STIM1: variants seen among roughly 807,000 people sequenced by gnomAD.
STIM1 encodes stromal interaction molecule 1.
In STIM1, 25 loss-of-function variants were observed where a neutral mutation model predicts 74.7. The ratio of observed to expected loss-of-function variants is 0.33; its 90% CI spans 0.24 to 0.47. The LOEUF (loss-of-function observed/expected upper bound fraction) is 0.47, where lower values mean the gene tolerates loss of function less well. Ranked by LOEUF, STIM1 falls within the 20% of genes least tolerant of loss-of-function variation. STIM1 has a pLI of 1.00. For missense variants in STIM1, 728 were observed against 920.8 expected (o/e 0.79, Z 2.71); for synonymous variants, 328 against 348.8 (o/e 0.94, Z 0.66).
At chr11:3,987,574 C>T (rs910530282) in intron 2 of STIM1, among the ~76,000 whole-genome samples, 4 of 152,194 alleles carry the variant, frequency 2.6e-5, no homozygotes, top group Admixed American at 6.5e-5. Context: ...GACCAACTCT[C>T]TTCTATATAT....
intron 2 of STIM1, among the ~76,000 whole-genome samples, chr11:4,020,060 C>T (rs771795501): frequency 3.3e-5 from 5 of 152,108 alleles, no homozygotes; most frequent in African/African-American, 1.2e-4. Flanking sequence ...TTTTTTGTGC[C>T]TGGCTTATTT....
At chr11:3,974,862 C>T (rs1486582099) in intron 2 of STIM1, among the ~76,000 whole-genome samples, 1 of 152,040 alleles carries the variant, frequency 6.6e-6, no homozygotes, top group African/African-American at 2.4e-5. Flanking sequence ...TTAGGTTGTC[C>T]TTAACAGTAT....
chr11:3,880,516 T>C (rs983262792), intron 1 of STIM1, among the ~76,000 whole-genome samples: 5 of 152,226 alleles, frequency 3.3e-5, no homozygotes, highest in African/African-American at 1.2e-4. Context: ...TTCATGTTTT[T>C]CTGAAGAACT....
intron 1 of STIM1, among the ~76,000 whole-genome samples, chr11:3,915,624 C>A (rs995651059): frequency 2.0e-5 from 3 of 152,098 alleles, no homozygotes; most frequent in Admixed American, 2.0e-4. Context: ...GTCTCGATCT[C>A]CTGACCTTGT....
At chr11:3,899,124 G>A (rs2092274753) in intron 1 of STIM1, among the ~76,000 whole-genome samples, 3 of 152,102 alleles carry the variant, frequency 2.0e-5, no homozygotes, top group South Asian at 2.1e-4. Flanking sequence ...CCATTTTCAC[G>A]ATATTGATTC....
rs1181720682 is a variant in STIM1 at position 3,994,429 on chromosome 11, TTTCTTTGAATA to T, written c.270+26750_270+26760del. 2.6e-5 allele frequency among the ~76,000 whole-genome samples: 4 copies of T among 152,168 alleles called. No individual in the cohort carries two copies. The East Asian group carries it at 7.7e-4, about 29-fold the overall frequency. On this transcript the variant is annotated intron_variant, in intron 2 of 12. Coordinates refer to ENST00000526596, the MANE Select transcript of STIM1 (RefSeq NM_001382567.1). The stretch of plus-strand genomic sequence containing the variant: ...AACTTGGGAGGTTTTTCAGCCATTA[TTTCTTTGAATA>T]TTTTTCCTTCTCCTTTTTCTTTCTT...
intron 2 of STIM1, among the ~76,000 whole-genome samples, chr11:3,970,561 A>G (rs1311833184): frequency 6.7e-6 from 1 of 148,910 alleles, no homozygotes; most frequent in Non-Finnish European, 1.5e-5. Flanking sequence ...TTTTTCATTC[A>G]TAAAACTTTT....
intron 2 of STIM1, among the ~76,000 whole-genome samples, chr11:3,988,056 A>G (rs774281916): frequency 6.6e-6 from 1 of 152,172 alleles, no homozygotes; most frequent in Non-Finnish European, 1.5e-5. Context: ...TGCCAAGTCT[A>G]TTGAAGTGGG....
intron 2 of STIM1, among the ~76,000 whole-genome samples, chr11:3,988,574 C>T (rs926349666): frequency 6.6e-6 from 1 of 151,918 alleles, no homozygotes; most frequent in Non-Finnish European, 1.5e-5. Flanking sequence ...TACATATGTC[C>T]CACCAATTCA....
rs200576507 is a variant in STIM1, at chr11:3,895,886, T to TTTTC, written c.139+39496_139+39499dup. Among the ~76,000 whole-genome samples the TTTTC allele has an allele frequency of 9.7e-3, 1,373 of 140,868 alleles. 75 individuals are homozygous for TTTTC. The highest frequency in any genetic ancestry group is 0.033 in the African/African-American group (1,179 of 35,258). 92.4% of individuals were successfully genotyped at this position (140,868 alleles called of 152,430 possible). A position where few individuals can be genotyped will look rare whatever the true frequency, so the allele number is the denominator to read the frequency against. ...CTCTCTCTTTCTTTTCTTTTCTTTC[T>TTTTC]TTTCTTTCTTTCTTTCTTTCTTCTT... On this transcript the variant is annotated intron_variant, in intron 1 of 12. Coordinates refer to ENST00000526596, the MANE Select transcript of STIM1 (RefSeq NM_001382567.1).
upstream of STIM1, chr11:3,855,589 G>C (rs1319187555): frequency 2.4e-5 from 2 of 83,012 alleles, no homozygotes; most frequent in African/African-American, 4.8e-5. Context: ...GCTGGGGACC[G>C]GGCGGCGCGG....
At chr11:3,868,560 T>G (rs1268127409) in intron 1 of STIM1, among the ~76,000 whole-genome samples, 1 of 152,218 alleles carries the variant, frequency 6.6e-6, no homozygotes, top group Non-Finnish European at 1.5e-5. Flanking sequence ...GATAGGCATT[T>G]TGATTAAAAA....
intron 3 of STIM1, among the ~76,000 whole-genome samples, chr11:4,031,339 A>G (rs1346100848): frequency 6.6e-6 from 1 of 152,212 alleles, no homozygotes; most frequent in Non-Finnish European, 1.5e-5. Flanking sequence ...GCTATTACAA[A>G]TAAAGCTGCT....
At chr11:4,011,261 A>G (rs1207379413) in intron 2 of STIM1, among the ~76,000 whole-genome samples, 1 of 152,278 alleles carries the variant, frequency 6.6e-6, no homozygotes, top group East Asian at 1.9e-4. Flanking sequence ...GTCAAATGGT[A>G]TTTCTAGTTC....
chr11:3,980,109 T>C (rs1218197288), intron 2 of STIM1, among the ~76,000 whole-genome samples: 1 of 152,244 alleles, frequency 6.6e-6, no homozygotes, highest in Non-Finnish European at 1.5e-5. Flanking sequence ...TCTATAACTT[T>C]GTGTTCCTGC....
intron 2 of STIM1, among the ~76,000 whole-genome samples, chr11:3,977,114 T>C (rs2093455595): frequency 6.6e-6 from 1 of 152,102 alleles, no homozygotes; most frequent in Non-Finnish European, 1.5e-5. Context: ...TGTATTTTAA[T>C]GTTTGTCTGA....
chr11:4,037,638 C>T (rs1056730138), intron 3 of STIM1, among the ~76,000 whole-genome samples: 1 of 152,092 alleles, frequency 6.6e-6, no homozygotes, highest in Non-Finnish European at 1.5e-5. Context: ...CATCCCTCTA[C>T]ATTTAATCTA....
Position 3,937,319 on chromosome 11 carries a change from A to ATAATAG in STIM1, c.140-30233_140-30232insTAATAG, listed in dbSNP as rs55981710. ...AATAATAATAATAATAATAATAATA[A>ATAATAG]AATATCTGGAATGAGTGTGAAATTA... On this transcript the variant is annotated intron_variant, in intron 1 of 12. Transcript: ENST00000526596. Among the ~76,000 whole-genome samples the ATAATAG allele has an allele frequency of 1.3e-3, 201 of 149,030 alleles. 2 individuals are homozygous for ATAATAG. The highest frequency in any genetic ancestry group is 2.0e-3 in the Non-Finnish European group (136 of 67,414).
intron 1 of STIM1, among the ~76,000 whole-genome samples, chr11:3,904,704 G>C (rs1482161646): frequency 6.6e-6 from 1 of 152,128 alleles, no homozygotes; most frequent in African/African-American, 2.4e-5. Flanking sequence ...TTGTGTGACG[G>C]AAGGATGAAG....
Sources: gnomAD v4.1 joint callset for allele counts (sites outside exome capture counted in the v4.1 genomes callset) on GRCh38, gnomAD v4.1.1 for gene constraint, MANE v1.5 for transcripts, NCBI Gene and HGNC (gene_info 2026-07-23, HGNC 2026-07-21) for gene names.